Variants in ALDH7A1 observed in about 807,000 individuals in gnomAD.
ALDH7A1 encodes the protein aldehyde dehydrogenase 7 family member A1.
In ALDH7A1, 63 loss-of-function variants were observed where a neutral mutation model predicts 79.9. The ratio of observed to expected loss-of-function variants is 0.79; its 90% CI spans 0.64 to 0.97. ALDH7A1 has a LOEUF of 0.97. ALDH7A1 is among the 50% of genes least tolerant of loss of function. The probability of loss-of-function intolerance (pLI) is 0.00; values close to 1 mark genes in which losing one functional copy is unlikely to be tolerated. For synonymous variants in ALDH7A1, 240 were observed against 231.2 expected (o/e 1.04, Z -0.34); for missense variants, 627 against 665.2 (o/e 0.94, Z 0.63).
At chr5:126,575,275 A>AAAAAT in intron 7 of ALDH7A1, 145 bp downstream of exon 7, 1 of 706,838 alleles carries the variant, frequency 1.4e-6, no homozygotes, top group Non-Finnish European at 2.3e-6. Context: ...CTCTGTATAT[A>AAAAAT]AAAATAATAT....
chr5:126,576,262 C>CAA (rs35284915), intron 6 of ALDH7A1, among the ~76,000 whole-genome samples: 2,460 of 89,144 alleles, frequency 0.028, 78 homozygotes, highest in African/African-American at 0.074. Flanking sequence ...GACTCTGTCA[C>CAA]AAAAAAAAAA....
At chr5:126,546,456 G>A in intron 16 of ALDH7A1, 57 bp from the exon 17 acceptor site, 1 of 1,515,988 alleles carries the variant, frequency 6.6e-7, no homozygotes, top group Non-Finnish European at 9.2e-7. Flanking sequence ...TGGGCTCATA[G>A]TTGGTATCAA....
chr5:126,554,450 T>G (rs1750110534), intron 12 of ALDH7A1, 57 bp from the exon 13 acceptor site: 2 of 1,379,018 alleles, frequency 1.5e-6, no homozygotes, highest in African/African-American at 1.4e-5. Context: ...CATCGTTTTA[T>G]TATTAGAACA....
At position 126,566,255 on chromosome 5, in the gene ALDH7A1, T is replaced by G. The variant is rs534263405; in HGVS notation, c.871+2004A>C. 8.5e-5 allele frequency among the ~76,000 whole-genome samples: 13 copies of G among 152,348 alleles called. No individual in the cohort carries two copies. The South Asian group carries it at 2.7e-3, about 32-fold the overall frequency. ...TATTTAGGTCATCTTTAATTTATTT[T>G]GATGATGATTTGTAGTGCTCCGTGC... On this transcript the variant is annotated intron_variant, in intron 9 of 17. Transcript: ENST00000409134.
At chr5:126,584,152 C>T in intron 3 of ALDH7A1, 140 bp from the exon 4 acceptor site, 1 of 754,492 alleles carries the variant, frequency 1.3e-6, no homozygotes, top group South Asian at 1.6e-5. Context: ...TGTGATATGG[C>T]CAGGCACTGG....
At position 126,559,223 on chromosome 5, in the gene ALDH7A1, T is replaced by C; in HGVS notation, c.1008+17A>G. On this transcript the variant is annotated intron_variant, in intron 11 of 17. Coordinates refer to ENST00000409134, the MANE Select transcript of ALDH7A1 (RefSeq NM_001182.5). ...GTTTTAAGAGCAAGACAATCGGGCC[T>C]ATGCAGATATACTCACCAGTCGCCT... 1.2e-6 allele frequency: 2 copies of C among 1,607,424 alleles called. No individual in the cohort carries two copies. The highest frequency in any genetic ancestry group is 2.2e-5 in the South Asian group (2 of 90,942).
In ALDH7A1 at chr5:126,558,391, T is replaced by C. The variant is rs73785356; in HGVS notation, c.1008+849A>G. The stretch of plus-strand genomic sequence containing the variant: ...TTAATATTAATCTGTCCTCTCGATA[T>C]ATATATGTATGCAGGCTATATATGT... On this transcript the variant is annotated intron_variant, in intron 11 of 17. Transcript: ENST00000409134. Among the ~76,000 whole-genome samples the C allele has an allele frequency of 9.9e-3, 1,500 of 152,240 alleles. 24 individuals carry two copies. The highest frequency in any genetic ancestry group is 0.034 in the African/African-American group (1,410 of 41,528).
At chr5:126,586,557 G>A (rs1158842867) in intron 3 of ALDH7A1, 1 of 152,164 alleles carries the variant, frequency 6.6e-6, no homozygotes, top group Admixed American at 6.5e-5. Flanking sequence ...CAGTCCATGG[G>A]GGTGATAAAG....
At chr5:126,559,672 A>G (rs1196628030) in intron 10 of ALDH7A1, among the ~76,000 whole-genome samples, 10 of 152,038 alleles carry the variant, frequency 6.6e-5, no homozygotes, top group Admixed American at 6.6e-4. Context: ...ACCTCAAGTG[A>G]TGCACCCACC....
intron 17 of ALDH7A1, 60 bp downstream of exon 17, chr5:126,546,264 G>A: frequency 6.8e-7 from 1 of 1,477,278 alleles, no homozygotes; most frequent in South Asian, 1.1e-5. Flanking sequence ...GTAGGAAAGT[G>A]TAAAAGCCCA....
intron 16 of ALDH7A1, chr5:126,549,676 AC>A: frequency 2.4e-6 from 1 of 419,056 alleles, no homozygotes. Flanking sequence ...AACAAATGCC[AC>A]CATTTCAGGG....
chr5:126,562,594 A>T (rs1750440162), intron 9 of ALDH7A1, among the ~76,000 whole-genome samples: 1 of 152,116 alleles, frequency 6.6e-6, no homozygotes, highest in Non-Finnish European at 1.5e-5. Flanking sequence ...TCATGCCTGT[A>T]ATCCCAGCAC....
At chr5:126,565,963 CCA>C (rs1750568178) in intron 9 of ALDH7A1, among the ~76,000 whole-genome samples, 1 of 152,196 alleles carries the variant, frequency 6.6e-6, no homozygotes, top group African/African-American at 2.4e-5. Context: ...TATGCTGGTG[CCA>C]CATAGTCTTG....
chr5:126,590,884 TAA>T (rs76901782), intron 3 of ALDH7A1, among the ~76,000 whole-genome samples: 88 of 121,818 alleles, frequency 7.2e-4, no homozygotes, highest in Admixed American at 7.7e-4. Flanking sequence ...GACCCTGTCT[TAA>T]AAAAAAAAAA....
chr5:126,577,008 C>G, intron 6 of ALDH7A1, 71 bp downstream of exon 6: 1 of 1,598,626 alleles, frequency 6.3e-7, no homozygotes, highest in Non-Finnish European at 8.6e-7. Context: ...ACTGAAGAGG[C>G]TGAGGTAGTA....
chr5:126,561,279 C>A (rs1750395587), intron 9 of ALDH7A1, 155 bp from the exon 10 acceptor site: 9 of 477,050 alleles, frequency 1.9e-5, no homozygotes, highest in Non-Finnish European at 3.7e-6. Flanking sequence ...TGATTACACC[C>A]TATCCCAATT....
intron 5 of ALDH7A1, among the ~76,000 whole-genome samples, chr5:126,580,339 C>T (rs374379824): frequency 8.5e-5 from 13 of 152,082 alleles, no homozygotes; most frequent in Admixed American, 5.2e-4. Flanking sequence ...TTAAGTGATC[C>T]GCCCACCTCT....
At position 126,568,092 on chromosome 5, in the gene ALDH7A1, T is replaced by G. The variant is rs59916949; in HGVS notation, c.871+167A>C. ...TTGGTATTTAAATTTAGGACTTCCC[T>G]AATATTCTACTGCTAATAACTGTAC... On this transcript the variant is annotated intron_variant, in intron 9 of 17. Transcript: ENST00000409134. 151,682 of 659,182 alleles carry G rather than the reference T, an allele frequency of 0.23. 25,250 individuals carry two copies. The highest frequency in any genetic ancestry group is 0.71 in the African/African-American group (39,247 of 55,076). The allele number at this position is 659,182 out of a possible 1,614,324, so 40.8% of individuals were successfully genotyped here.
intron 16 of ALDH7A1, among the ~76,000 whole-genome samples, chr5:126,546,861 A>G (rs1397937500): frequency 2.0e-5 from 3 of 152,224 alleles, no homozygotes; most frequent in Non-Finnish European, 2.9e-5. Context: ...TACATTAAGA[A>G]AATATAACAA....
Sources: allele counts gnomAD v4.1 joint callset (sites outside exome capture counted in the v4.1 genomes callset), GRCh38; gene constraint gnomAD v4.1.1; transcripts MANE v1.5; gene names NCBI Gene and HGNC (gene_info 2026-07-23, HGNC 2026-07-21).